Variants in PDE4D observed in about 807,000 individuals in gnomAD.
The protein encoded by PDE4D is 3',5'-cyclic-AMP phosphodiesterase 4D.
Under a neutral mutation model 87.4 loss-of-function variants are expected in PDE4D, and 24 were observed. The observed-to-expected ratio is 0.27, with a 90% CI of 0.20 to 0.39. The LOEUF (loss-of-function observed/expected upper bound fraction) is 0.39. Ranked by LOEUF, PDE4D falls within the 10% of genes least tolerant of loss-of-function variation. PDE4D has a pLI of 1.00. For synonymous variants in PDE4D, 384 were observed against 383.2 expected, an observed-to-expected ratio of 1.00 and a Z score of -0.02; for missense variants, 714 against 1,041.0, an observed-to-expected ratio of 0.69 and a Z score of 4.32.
At chr5:60,288,194 T>C (rs1165665554) in intron 1 of PDE4D, among the ~76,000 whole-genome samples, 1 of 152,198 alleles carries the variant, frequency 6.6e-6, no homozygotes, top group Non-Finnish European at 1.5e-5. Context: ...TCTGCAAGCA[T>C]TGTTTCCCTC....
intron 1 of PDE4D, among the ~76,000 whole-genome samples, chr5:60,420,994 C>G (rs1743042796): frequency 6.6e-6 from 1 of 152,186 alleles, no homozygotes; most frequent in Non-Finnish European, 1.5e-5. Flanking sequence ...GGGTGTTCAC[C>G]ATTGCTGAGG....
At chr5:59,164,237 A>G (rs1781565572) in intron 5 of PDE4D, among the ~76,000 whole-genome samples, 1 of 152,206 alleles carries the variant, frequency 6.6e-6, no homozygotes, top group African/African-American at 2.4e-5. Context: ...AATAAAGACA[A>G]GTCAGTAAAG....
At chr5:59,660,309 C>T (rs1439190936) in intron 1 of PDE4D, among the ~76,000 whole-genome samples, 2 of 151,918 alleles carry the variant, frequency 1.3e-5, no homozygotes, top group East Asian at 1.9e-4. Context: ...TCTTTCTGCC[C>T]CATGTTTAGT....
chr5:60,218,861 C>T (rs559376741), intron 1 of PDE4D, among the ~76,000 whole-genome samples: 1 of 152,156 alleles, frequency 6.6e-6, no homozygotes, highest in South Asian at 2.1e-4. Flanking sequence ...CATTCAGTGC[C>T]ACAAACCCTC....
chr5:60,159,157 T>C (rs1782256897), intron 2 of PDE4D, among the ~76,000 whole-genome samples: 1 of 152,170 alleles, frequency 6.6e-6, no homozygotes, highest in Admixed American at 6.5e-5. Context: ...AGGATAAGGA[T>C]CATCAACATC....
intron 2 of PDE4D, among the ~76,000 whole-genome samples, chr5:60,110,890 A>G (rs2083710313): frequency 6.6e-6 from 1 of 152,138 alleles, no homozygotes; most frequent in African/African-American, 2.4e-5. Flanking sequence ...TGTTAAGTGA[A>G]ATAAGTCAGG....
At chr5:60,040,738 T>C (rs1013769999) in intron 2 of PDE4D, among the ~76,000 whole-genome samples, 1 of 152,212 alleles carries the variant, frequency 6.6e-6, no homozygotes, top group African/African-American at 2.4e-5. Context: ...TTTTCTTTAC[T>C]GCCTCTGTCC....
In PDE4D at chr5:59,616,750, A is replaced by G. The variant is rs369538873; in HGVS notation, c.455+276418T>C. Among the ~76,000 whole-genome samples, 7 of 151,640 alleles carry G rather than the reference A, an allele frequency of 4.6e-5. No individual in the cohort carries two copies. In the East Asian group the frequency reaches 1.2e-3, roughly 25 times the overall value. ...TAATTGCTTCTGTGTTTTTTGGTAT[A>G]AAGTTGCTCCCATGGAGATTATAAT... On this transcript the variant is annotated intron_variant, in intron 1 of 14. Coordinates refer to ENST00000340635, the MANE Select transcript of PDE4D (RefSeq NM_001104631.2).
chr5:59,478,071 G>A (rs752732878), intron 1 of PDE4D, among the ~76,000 whole-genome samples: 1 of 151,866 alleles, frequency 6.6e-6, no homozygotes, highest in Non-Finnish European at 1.5e-5. Context: ...GAGTTTGGGT[G>A]GGAAAACTAC....
intron 1 of PDE4D, among the ~76,000 whole-genome samples, chr5:59,310,045 C>T (rs1404605475): frequency 6.6e-6 from 1 of 152,164 alleles, no homozygotes; most frequent in South Asian, 2.1e-4. Context: ...TAGCAGATTC[C>T]TCAGTTCATC....
At chr5:60,154,027 TA>T (rs147431808) in intron 2 of PDE4D, among the ~76,000 whole-genome samples, 1 of 151,160 alleles carries the variant, frequency 6.6e-6, no homozygotes, top group African/African-American at 2.4e-5. Flanking sequence ...CTTACCATAA[TA>T]AAAAAACAAG....
chr5:58,988,475 A>T lies in PDE4D; in HGVS notation c.1552+18T>A, dbSNP rs1747041465. 8.8e-7 allele frequency: 1 copy of T among 1,137,698 alleles called. No individual in the cohort carries two copies. The highest frequency in any genetic ancestry group is 1.6e-5 in the African/African-American group (1 of 63,900). 70.5% of individuals were successfully genotyped at this position (1,137,698 alleles called of 1,614,324 possible). Reference sequence around the variant, plus strand: ...GTACAAGGGAAAAATGTGTTCTGAAAAAATAAAGTTTACTTACTTGTATTG... The same window carrying T: ...GTACAAGGGAAAAATGTGTTCTGAATAAATAAAGTTTACTTACTTGTATTG... On this transcript the variant is annotated intron_variant, in intron 11 of 14. Coordinates refer to ENST00000340635, the MANE Select transcript of PDE4D (RefSeq NM_001104631.2).
At chr5:59,200,961 C>A (rs1747215253) in intron 2 of PDE4D, among the ~76,000 whole-genome samples, 1 of 152,016 alleles carries the variant, frequency 6.6e-6, no homozygotes, top group South Asian at 2.1e-4. Context: ...TAGCATTAAA[C>A]ATTAATGAAC....
At chr5:60,476,471 A>G (rs925806460) in intron 1 of PDE4D, among the ~76,000 whole-genome samples, 8 of 152,096 alleles carry the variant, frequency 5.3e-5, no homozygotes, top group African/African-American at 1.9e-4. Context: ...TGCTCCCTAT[A>G]GCCTGTGCCC....
intron 2 of PDE4D, among the ~76,000 whole-genome samples, chr5:60,067,428 T>A (rs1772223833): frequency 6.6e-6 from 1 of 152,074 alleles, no homozygotes; most frequent in Non-Finnish European, 1.5e-5. Flanking sequence ...AATTGCTCTA[T>A]GTCTCAAAAT....
intron 2 of PDE4D, among the ~76,000 whole-genome samples, chr5:59,200,034 C>T (rs1237145512): frequency 3.4e-4 from 49 of 145,798 alleles, no homozygotes; most frequent in African/African-American, 1.2e-3. Flanking sequence ...TACATACATG[C>T]ACACACACGT....
At chr5:60,306,397 C>G (rs972656387) in intron 1 of PDE4D, among the ~76,000 whole-genome samples, 1 of 151,690 alleles carries the variant, frequency 6.6e-6, no homozygotes, top group East Asian at 1.9e-4. Flanking sequence ...AATAAAATAA[C>G]AAAATATTCA....
intron 1 of PDE4D, among the ~76,000 whole-genome samples, chr5:59,753,654 T>C (rs1300022413): frequency 6.6e-6 from 1 of 152,124 alleles, no homozygotes; most frequent in African/African-American, 2.4e-5. Context: ...GGGGGTACTT[T>C]CAATTAAGGT....
chr5:59,207,763 A>T (rs1749125835), intron 2 of PDE4D, among the ~76,000 whole-genome samples: 2 of 151,908 alleles, frequency 1.3e-5, no homozygotes, highest in African/African-American at 4.8e-5. Context: ...GTATAAGCAT[A>T]ATTATATAAT....
Sources: gnomAD v4.1 joint callset for allele counts (sites outside exome capture counted in the v4.1 genomes callset) on GRCh38, gnomAD v4.1.1 for gene constraint, MANE v1.5 for transcripts, NCBI Gene and HGNC (gene_info 2026-07-23, HGNC 2026-07-21) for gene names.